Variants in STXBP4 observed in about 807,000 individuals in gnomAD.
STXBP4 encodes syntaxin-binding protein 4.
STXBP4 carries 55 observed loss-of-function variants against 76.1 expected under a neutral mutation model. The observed-to-expected ratio is 0.72, with a 90% CI of 0.58 to 0.91. The LOEUF is 0.91. Among genes scored for constraint, STXBP4 ranks in the 40% least tolerant of loss-of-function variants. The pLI, the probability that STXBP4 is intolerant of heterozygous loss-of-function variation, is 0.00. For synonymous variants in STXBP4, 201 were observed against 220.2 expected (o/e 0.91, Z 0.77); for missense variants, 618 against 636.9 (o/e 0.97, Z 0.32).
At chr17:55,185,284 TCTCCTTCTCCTTCTCCTTCTC>T in the STXBP4 span, among the ~76,000 whole-genome samples, 278 of 85,240 alleles carry the variant, frequency 3.3e-3, 1 homozygote, top group African/African-American at 0.012. Context: ...TCCTTCTCCT[TCTCCTTCTCCTTCTCCTTCTC>T]CTTCTCCTTC....
At chr17:54,985,354 A>C (rs1396249685) in intron 1 of STXBP4, among the ~76,000 whole-genome samples, 2 of 152,094 alleles carry the variant, frequency 1.3e-5, no homozygotes, top group African/African-American at 2.4e-5. Context: ...ACAACAACAA[A>C]AACACTATTT....
chr17:55,008,999 A>C (rs2078056838), intron 8 of STXBP4, among the ~76,000 whole-genome samples: 1 of 152,210 alleles, frequency 6.6e-6, no homozygotes. Context: ...CTTCTTTTGC[A>C]CGTTAGTAGC....
At chr17:55,074,884 AAAG>A (rs746896788) in intron 13 of STXBP4, among the ~76,000 whole-genome samples, 1 of 152,166 alleles carries the variant, frequency 6.6e-6, no homozygotes, top group East Asian at 1.9e-4. Flanking sequence ...CAGTGGAAAA[AAAG>A]AAGGAAACCT....
intron 16 of STXBP4, among the ~76,000 whole-genome samples, chr17:55,127,160 G>C (rs2079921557): frequency 1.3e-5 from 2 of 152,000 alleles, no homozygotes. Flanking sequence ...GCCATCCCTT[G>C]TCCCAGGCAG....
At chr17:55,003,460 A>G (rs1407920431) in intron 7 of STXBP4, among the ~76,000 whole-genome samples, 2 of 152,158 alleles carry the variant, frequency 1.3e-5, no homozygotes, top group Admixed American at 6.5e-5. Context: ...GGGGAGTGGA[A>G]AAAAGGCAAA....
At position 55,009,293 on chromosome 17, in the gene STXBP4, T is replaced by A. The variant is rs554185189; in HGVS notation, c.666+1696T>A. 3.3e-5 allele frequency among the ~76,000 whole-genome samples: 5 copies of A among 152,016 alleles called. No individual in the cohort carries two copies. In the South Asian group the frequency reaches 1.0e-3, roughly 32 times the overall value. On this transcript the variant is annotated intron_variant, in intron 8 of 17. Transcript: ENST00000376352. ...AATAGTAATATTTTCAAAAATAGAGTGTTTGAAGTTTAAAAGCATGACAAT... is the reference window on the plus strand; with the variant it reads ...AATAGTAATATTTTCAAAAATAGAGAGTTTGAAGTTTAAAAGCATGACAAT...
At chr17:55,113,065 A>G (rs171513) in intron 16 of STXBP4, among the ~76,000 whole-genome samples, 98,773 of 151,950 alleles carry the variant, frequency 0.65, 33,196 homozygotes, top group African/African-American at 0.83. Context: ...TTTATGATTC[A>G]TATGGCATTT....
chr17:55,170,723 A>G lies in STXBP4; in HGVS notation c.*10812A>G, dbSNP rs1016291345. The G allele has an allele frequency of 2.6e-5, 4 of 152,238 alleles. No homozygotes were observed. Among genetic ancestry groups the G allele is most frequent in the Admixed American group, 2.6e-4 (4 of 15,278 alleles). 9.4% of individuals were successfully genotyped at this position (152,238 alleles called of 1,614,324 possible). ...TGAATGAGGCCTGACCTGCATTGTC[A>G]ATAACTAAATTGATTATTGTGGAAA... On this transcript the variant is annotated 3_prime_UTR_variant, in exon 18 of 18. Coordinates refer to ENST00000376352, the MANE Select transcript of STXBP4 (RefSeq NM_178509.6).
chr17:55,196,429 T>G, the STXBP4 span, among the ~76,000 whole-genome samples: 1 of 152,314 alleles, frequency 6.6e-6, no homozygotes, highest in Middle Eastern at 3.4e-3. Flanking sequence ...ACATCTTCCC[T>G]TTGTGTAAAA....
intron 16 of STXBP4, among the ~76,000 whole-genome samples, chr17:55,096,133 T>A (rs1341028306): frequency 6.6e-6 from 1 of 152,052 alleles, no homozygotes; most frequent in African/African-American, 2.4e-5. Context: ...TATAGGTTTA[T>A]GGGGGTTTTG....
At chr17:55,054,491 CAAAACA>C (rs1032864107) in intron 12 of STXBP4, among the ~76,000 whole-genome samples, 1 of 151,994 alleles carries the variant, frequency 6.6e-6, no homozygotes, top group Admixed American at 6.6e-5. Flanking sequence ...ATCTCAAAAA[CAAAACA>C]AAAACAAAAA....
rs374564819 is a variant in STXBP4 at position 55,034,416 on chromosome 17, AG to A, written c.855+158del. On this transcript the variant is annotated intron_variant, in intron 10 of 17. Transcript: ENST00000376352. ...AAATCAATTTAAAATCAAAAGTAAA[AG>A]TTCATCCTGATATTCATTCTCCTCT... Among the ~76,000 whole-genome samples the A allele has an allele frequency of 1.5e-4, 23 of 152,280 alleles. No homozygotes were observed. In the East Asian group the frequency reaches 3.1e-3, roughly 20 times the overall value.
At chr17:55,185,251 C>CTTCTTCTTCTTCTTCTTCTT in the STXBP4 span, among the ~76,000 whole-genome samples, 4 of 49,378 alleles carry the variant, frequency 8.1e-5, no homozygotes, top group African/African-American at 3.1e-4. Flanking sequence ...TTCTTCTTCT[C>CTTCTTCTTCTTCTTCTTCTT]CTTCTCCTTC....
chr17:55,037,968 C>T (rs886938205), intron 10 of STXBP4, among the ~76,000 whole-genome samples: 2 of 152,010 alleles, frequency 1.3e-5, no homozygotes, highest in African/African-American at 4.8e-5. Flanking sequence ...GCAGTTTAGT[C>T]CCCCATCTGA....
the STXBP4 span, among the ~76,000 whole-genome samples, chr17:55,194,202 A>C: frequency 2.6e-5 from 4 of 152,182 alleles, no homozygotes; most frequent in African/African-American, 7.2e-5. Context: ...TCACATAGTC[A>C]AGAAGTGATA....
At chr17:55,000,254 A>G (rs1278316167) in intron 6 of STXBP4, 3 of 985,266 alleles carry the variant, frequency 3.0e-6, no homozygotes, top group African/African-American at 1.7e-5. Context: ...CAGGCATCCA[A>G]TCTAAGAAGG....
At chr17:55,031,479 C>G (rs1047789596) in intron 9 of STXBP4, among the ~76,000 whole-genome samples, 1 of 152,134 alleles carries the variant, frequency 6.6e-6, no homozygotes, top group African/African-American at 2.4e-5. Context: ...GACCTTTCAG[C>G]TCTAAAATAT....
intron 16 of STXBP4, among the ~76,000 whole-genome samples, chr17:55,130,571 C>T (rs542410826): frequency 1.3e-5 from 2 of 152,222 alleles, no homozygotes; most frequent in Admixed American, 1.3e-4. Flanking sequence ...AAATATACAA[C>T]ACATTCTTAT....
intron 16 of STXBP4, among the ~76,000 whole-genome samples, chr17:55,106,622 T>C (rs1004992341): frequency 1.3e-5 from 2 of 152,194 alleles, no homozygotes; most frequent in Non-Finnish European, 2.9e-5. Context: ...CCATATTTAG[T>C]GCTTCCTTCA....
Sources: gnomAD v4.1 joint callset for allele counts (sites outside exome capture counted in the v4.1 genomes callset) on GRCh38, gnomAD v4.1.1 for gene constraint, MANE v1.5 for transcripts, NCBI Gene and HGNC (gene_info 2026-07-23, HGNC 2026-07-21) for gene names.